TYW1: variants seen among roughly 807,000 people sequenced by gnomAD.
The protein encoded by TYW1 is S-adenosyl-L-methionine-dependent tRNA 4-demethylwyosine synthase TYW1.
A neutral mutation model predicts 96.2 loss-of-function variants in TYW1; 46 were observed. The observed-to-expected ratio is 0.48, with a 90% CI of 0.38 to 0.61. TYW1 has a LOEUF of 0.61. Ranked by LOEUF, TYW1 falls within the 20% of genes least tolerant of loss-of-function variation. The pLI is 0.00. For synonymous variants in TYW1, 274 were observed against 323.0 expected (o/e 0.85, Z 1.63); for missense variants, 684 against 909.6 (o/e 0.75, Z 3.19).
intron 13 of TYW1, among the ~76,000 whole-genome samples, chr7:67,180,386 T>A (rs28583688): frequency 0.017 from 1,835 of 110,604 alleles, 90 homozygotes; most frequent in Middle Eastern, 0.039. Context: ...AGCTGTTGGT[T>A]TATATATATA....
intron 7 of TYW1, among the ~76,000 whole-genome samples, chr7:67,047,338 G>A (rs1460960132): frequency 6.6e-6 from 1 of 152,102 alleles, no homozygotes; most frequent in Non-Finnish European, 1.5e-5. Context: ...TGAGACCAGC[G>A]TGGGCAACAT....
At chr7:67,003,097 T>G (rs1793461847) in intron 3 of TYW1, among the ~76,000 whole-genome samples, 1 of 152,066 alleles carries the variant, frequency 6.6e-6, no homozygotes, top group African/African-American at 2.4e-5. Context: ...ATCTTAACTG[T>G]TTCTCTCAAC....
intron 15 of TYW1, among the ~76,000 whole-genome samples, chr7:67,215,747 T>G (rs1584706759): frequency 1.3e-5 from 2 of 152,022 alleles, no homozygotes; most frequent in Non-Finnish European, 2.9e-5. Context: ...GGAGAGCCAG[T>G]ATGAGTCCCA....
At chr7:67,012,358 C>T (rs1030904769) in intron 4 of TYW1, among the ~76,000 whole-genome samples, 4 of 151,920 alleles carry the variant, frequency 2.6e-5, no homozygotes, top group Admixed American at 6.6e-5. Context: ...AAAAAAAAAC[C>T]GCAAAAAGGC....
intron 15 of TYW1, among the ~76,000 whole-genome samples, chr7:67,202,687 G>A (rs7798712): frequency 0.057 from 8,599 of 152,140 alleles, 513 homozygotes; most frequent in East Asian, 0.18. Flanking sequence ...ATGAGCCACC[G>A]TAAGCCCAGC....
intron 15 of TYW1, among the ~76,000 whole-genome samples, chr7:67,225,625 A>C (rs1461938684): frequency 6.6e-6 from 1 of 152,170 alleles, no homozygotes; most frequent in Admixed American, 6.5e-5. Context: ...ACTGTGGTAC[A>C]TGTGGAACTC....
At chr7:67,002,464 C>G (rs1793434157) in intron 3 of TYW1, among the ~76,000 whole-genome samples, 2 of 152,156 alleles carry the variant, frequency 1.3e-5, no homozygotes, top group Non-Finnish European at 1.5e-5. Flanking sequence ...AAACTTTTGC[C>G]TCAGAAGGCG....
chr7:67,045,975 TA>T (rs1562982804), intron 7 of TYW1, among the ~76,000 whole-genome samples: 1 of 152,146 alleles, frequency 6.6e-6, no homozygotes, highest in South Asian at 2.1e-4. Flanking sequence ...CACTGGCTTT[TA>T]AAAAAAGAAA....
At chr7:67,070,052 TC>T (rs762834207) in intron 10 of TYW1, among the ~76,000 whole-genome samples, 13 of 152,248 alleles carry the variant, frequency 8.5e-5, no homozygotes. Flanking sequence ...AAATATGCTC[TC>T]CCACTGCCTT....
At chr7:67,223,674 A>G (rs1801468895) in intron 15 of TYW1, among the ~76,000 whole-genome samples, 1 of 151,244 alleles carries the variant, frequency 6.6e-6, no homozygotes, top group Non-Finnish European at 1.5e-5. Context: ...ACAGATCCTT[A>G]ATATTTTGAA....
chr7:67,151,026 C>T (rs1044745366), intron 13 of TYW1, among the ~76,000 whole-genome samples: 3 of 151,636 alleles, frequency 2.0e-5, no homozygotes, highest in African/African-American at 2.4e-5. Context: ...TCAGCTGATT[C>T]TTTTCCTGCC....
chr7:67,133,801 T>G (rs992037139), intron 13 of TYW1, among the ~76,000 whole-genome samples: 2 of 151,448 alleles, frequency 1.3e-5, no homozygotes, highest in African/African-American at 4.9e-5. Flanking sequence ...CCTTGCCCAT[T>G]TCTCCGTTGG....
At chr7:67,231,785 G>A (rs1448735883) in intron 15 of TYW1, among the ~76,000 whole-genome samples, 1 of 150,826 alleles carries the variant, frequency 6.6e-6, no homozygotes, top group East Asian at 1.9e-4. Context: ...CCTTTAATGT[G>A]GAAACTCATG....
chr7:67,026,262 G>A (rs1187527149), intron 7 of TYW1, among the ~76,000 whole-genome samples: 5 of 151,974 alleles, frequency 3.3e-5, no homozygotes, highest in Non-Finnish European at 5.9e-5. Flanking sequence ...TAGTAGAGAC[G>A]GGATTTCACC....
chr7:67,239,007 T>TATC lies in TYW1; in HGVS notation c.*479_*481dup, dbSNP rs1408758583. The TATC allele has an allele frequency of 1.0e-6, 1 of 992,468 alleles. No individual in the cohort carries two copies. The highest frequency in any genetic ancestry group is 1.2e-6 in the Non-Finnish European group (1 of 833,564). 61.5% of individuals were successfully genotyped at this position (992,468 alleles called of 1,614,324 possible). A position where few individuals can be genotyped will look rare whatever the true frequency, so the allele number is the denominator to read the frequency against. ...AGATAAGAGCTTGATCCCTTTCTTC[T>TATC]ATCTTAAGACAGCACCTCCTGAAAA... On this transcript the variant is annotated 3_prime_UTR_variant, in exon 16 of 16. Transcript: ENST00000359626.
chr7:67,231,942 CT>C (rs753960881), intron 15 of TYW1, among the ~76,000 whole-genome samples: 16 of 151,794 alleles, frequency 1.1e-4, no homozygotes, highest in South Asian at 1.0e-3. Flanking sequence ...AAAAAAAAAT[CT>C]TTTTTGTCAG....
At chr7:66,998,532 C>G (rs908130468) in intron 2 of TYW1, among the ~76,000 whole-genome samples, 1 of 152,058 alleles carries the variant, frequency 6.6e-6, no homozygotes, top group African/African-American at 2.4e-5. Context: ...TAAGTTCCTA[C>G]TATTATTCTA....
intron 13 of TYW1, among the ~76,000 whole-genome samples, chr7:67,182,073 C>T (rs767425217): frequency 3.9e-5 from 6 of 152,186 alleles, no homozygotes; most frequent in Non-Finnish European, 7.3e-5. Flanking sequence ...AGGTGATCCC[C>T]GCACCTCGGC....
intron 15 of TYW1, among the ~76,000 whole-genome samples, chr7:67,220,974 G>A (rs1801375293): frequency 6.6e-6 from 1 of 152,052 alleles, no homozygotes; most frequent in Non-Finnish European, 1.5e-5. Context: ...TGATCCACCT[G>A]CCTTGGCCTC....
Sources: gnomAD v4.1 joint callset for allele counts (sites outside exome capture counted in the v4.1 genomes callset) on GRCh38, gnomAD v4.1.1 for gene constraint, MANE v1.5 for transcripts, NCBI Gene and HGNC (gene_info 2026-07-23, HGNC 2026-07-21) for gene names.